Variants in COL19A1 observed in about 807,000 individuals in gnomAD.
The protein encoded by COL19A1 is collagen type XIX alpha 1 chain.
A neutral mutation model predicts 190.2 loss-of-function variants in COL19A1; 159 were observed. The observed-to-expected ratio is 0.84, with a 90% CI of 0.73 to 0.95. The LOEUF (loss-of-function observed/expected upper bound fraction) is 0.95, where lower values mean the gene tolerates loss of function less well. Among genes scored for constraint, COL19A1 ranks in the 40% least tolerant of loss-of-function variants. COL19A1 has a pLI of 0.00. For synonymous variants in COL19A1, 509 were observed against 458.9 expected, an observed-to-expected ratio of 1.11 and a Z score of -1.39; for missense variants, 1,418 against 1,431.9, an observed-to-expected ratio of 0.99 and a Z score of 0.16.
intron 11 of COL19A1, among the ~76,000 whole-genome samples, chr6:69,998,434 CAGG>C (rs1008577116): frequency 2.0e-5 from 3 of 151,806 alleles, no homozygotes; most frequent in Non-Finnish European, 4.4e-5. Flanking sequence ...CACCTGAGAT[CAGG>C]AGTTCGAGAC....
intron 19 of COL19A1, among the ~76,000 whole-genome samples, chr6:70,137,956 C>A (rs1408587322): frequency 6.6e-6 from 1 of 152,160 alleles, no homozygotes; most frequent in Non-Finnish European, 1.5e-5. Flanking sequence ...TCCATAAGGT[C>A]ATCTATTATC....
At chr6:70,067,608 G>A (rs765070061) in intron 14 of COL19A1, among the ~76,000 whole-genome samples, 1 of 152,024 alleles carries the variant, frequency 6.6e-6, no homozygotes, top group Non-Finnish European at 1.5e-5. Flanking sequence ...GGAATTGCTG[G>A]TCTAGAGAAT....
chr6:69,915,743 T>TA (rs1771251726), intron 4 of COL19A1, among the ~76,000 whole-genome samples: 1 of 152,158 alleles, frequency 6.6e-6, no homozygotes, highest in Non-Finnish European at 1.5e-5. Context: ...ATCTTTTAGT[T>TA]ACGTTACCAT....
intron 11 of COL19A1, among the ~76,000 whole-genome samples, chr6:69,999,186 G>A (rs1777099889): frequency 1.3e-5 from 2 of 150,570 alleles, no homozygotes; most frequent in Admixed American, 1.3e-4. Context: ...GCCTCCCAAA[G>A]TGCTGGGATT....
intron 6 of COL19A1, among the ~76,000 whole-genome samples, chr6:69,932,010 A>G (rs557397214): frequency 6.6e-6 from 1 of 152,200 alleles, no homozygotes; most frequent in South Asian, 2.1e-4. Flanking sequence ...AATACATTTC[A>G]GTGCTTAAAG....
chr6:70,190,127 C>G (rs1456180039), intron 47 of COL19A1, among the ~76,000 whole-genome samples, 188 bp from the exon 48 acceptor site: 1 of 152,232 alleles, frequency 6.6e-6, no homozygotes, highest in African/African-American at 2.4e-5. Flanking sequence ...TTACACACTT[C>G]AACTTCTTCC....
At chr6:70,177,521 G>T (rs901153510) in intron 42 of COL19A1, among the ~76,000 whole-genome samples, 1 of 152,192 alleles carries the variant, frequency 6.6e-6, no homozygotes, top group Non-Finnish European at 1.5e-5. Context: ...ATCCTTCGTA[G>T]ATGATGACAT....
At chr6:70,041,244 C>G (rs1779620715) in intron 14 of COL19A1, among the ~76,000 whole-genome samples, 1 of 152,010 alleles carries the variant, frequency 6.6e-6, no homozygotes, top group Non-Finnish European at 1.5e-5. Flanking sequence ...TGGAAGATAC[C>G]AAATTCACTA....
chr6:70,148,705 T>C (rs1490640546), intron 27 of COL19A1, among the ~76,000 whole-genome samples: 1 of 152,090 alleles, frequency 6.6e-6, no homozygotes, highest in African/African-American at 2.4e-5. Flanking sequence ...GGCAGGTGGA[T>C]CACTTGAGGT....
intron 11 of COL19A1, among the ~76,000 whole-genome samples, chr6:70,000,559 T>C (rs1288496209): frequency 6.6e-6 from 1 of 152,208 alleles, no homozygotes; most frequent in Non-Finnish European, 1.5e-5. Context: ...ATAATTGCCA[T>C]TCTGACTGGC....
chr6:70,063,173 T>C (rs1780952089), intron 14 of COL19A1, among the ~76,000 whole-genome samples: 1 of 152,132 alleles, frequency 6.6e-6, no homozygotes, highest in African/African-American at 2.4e-5. Context: ...ATCAACAGAA[T>C]ATACATTTTT....
chr6:70,088,939 G>A (rs1357050821), intron 15 of COL19A1, among the ~76,000 whole-genome samples: 2 of 152,112 alleles, frequency 1.3e-5, no homozygotes, highest in African/African-American at 4.8e-5. Context: ...ATTAGCTCCT[G>A]TAGTTTTAGT....
chr6:70,156,251 G>A lies in COL19A1; in HGVS notation c.2184+20G>A, dbSNP rs372673483. On this transcript the variant is annotated intron_variant, in intron 32 of 50. Transcript: ENST00000620364. The stretch of plus-strand genomic sequence containing the variant: ...CGGAAGGTGAGAAGCCTGGCTGAAT[G>A]TTTACGATCCCTGTGGGTTACATGT... 7 of 1,613,068 alleles carry A rather than the reference G, an allele frequency of 4.3e-6. No individual in the cohort carries two copies. The highest frequency in any genetic ancestry group is 1.1e-5 in the South Asian group (1 of 91,066).
chr6:69,924,198 A>G (rs1221941828), intron 4 of COL19A1, among the ~76,000 whole-genome samples: 1 of 152,074 alleles, frequency 6.6e-6, no homozygotes, highest in Non-Finnish European at 1.5e-5. Flanking sequence ...GGTGAGCTGC[A>G]CCCATTAACT....
chr6:69,877,115 T>C (rs965052232), intron 1 of COL19A1, among the ~76,000 whole-genome samples: 1 of 152,190 alleles, frequency 6.6e-6, no homozygotes, highest in Admixed American at 6.5e-5. Context: ...AATGAATTCT[T>C]TTATATTTGA....
chr6:70,135,083 G>A (rs536293061), intron 18 of COL19A1, among the ~76,000 whole-genome samples: 77 of 152,192 alleles, frequency 5.1e-4, no homozygotes, highest in African/African-American at 1.8e-3. Context: ...ATTTACTTAC[G>A]CTCACCAGTT....
chr6:70,169,984 G>A (rs141048944), intron 40 of COL19A1, among the ~76,000 whole-genome samples: 18 of 152,160 alleles, frequency 1.2e-4, no homozygotes, highest in African/African-American at 3.9e-4. Flanking sequence ...TTGAAAAGGG[G>A]CTGGCAACAA....
intron 16 of COL19A1, among the ~76,000 whole-genome samples, chr6:70,120,455 C>A (rs1353999937): frequency 1.3e-5 from 2 of 152,140 alleles, no homozygotes; most frequent in African/African-American, 4.8e-5. Context: ...TCTTAACTTG[C>A]ATGTTCTTGG....
rs560351214 is a variant in COL19A1, at chr6:70,160,363, G to A, written c.2293-1537G>A. On this transcript the variant is annotated intron_variant, in intron 34 of 50. Transcript: ENST00000620364. Reference sequence around the variant, plus strand: ...ACAGCATGGGGAAAACCACCCCCATGATCCAATCACCTCCCTCCCTCTACA... The same window carrying A: ...ACAGCATGGGGAAAACCACCCCCATAATCCAATCACCTCCCTCCCTCTACA... Among the ~76,000 whole-genome samples, 3 of 152,148 alleles carry A rather than the reference G, an allele frequency of 2.0e-5. No homozygotes were observed. In the South Asian group the frequency reaches 6.2e-4, roughly 32 times the overall value.
Sources: gnomAD v4.1 joint callset for allele counts (sites outside exome capture counted in the v4.1 genomes callset) on GRCh38, gnomAD v4.1.1 for gene constraint, MANE v1.5 for transcripts, NCBI Gene and HGNC (gene_info 2026-07-23, HGNC 2026-07-21) for gene names.